NBPF12: variants seen among roughly 807,000 people sequenced by gnomAD.
NBPF12 encodes the protein NBPF member 12.
Under a neutral mutation model 146.4 loss-of-function variants are expected in NBPF12, and 115 were observed. The ratio of observed to expected loss-of-function variants is 0.79; its 90% CI spans 0.68 to 0.92. NBPF12 has a LOEUF of 0.92. NBPF12 is among the 40% of genes least tolerant of loss of function. The pLI, the probability that NBPF12 is intolerant of heterozygous loss-of-function variation, is 0.00. For missense variants in NBPF12, 1,205 were observed against 1,326.8 expected (o/e 0.91, Z 1.43); for synonymous variants, 385 against 508.9 (o/e 0.76, Z 3.28).
At chr1:146,994,368 A>C (rs1553890029) in exon 34 of NBPF12, 1 of 1,612,284 alleles carries the variant, frequency 6.2e-7, no homozygotes, top group Admixed American at 1.7e-5. Flanking sequence ...AAGAGCCTGA[A>C]GTCTTGCAGG....
At chr1:146,938,528 G>A (rs1383982197), upstream of NBPF12, among the ~76,000 whole-genome samples, 2 of 152,240 alleles carry the variant, frequency 1.3e-5, no homozygotes, top group South Asian at 2.1e-4. Flanking sequence ...TCCCGTCCCC[G>A]CTGCGCTCCG....
intron 13 of NBPF12, among the ~76,000 whole-genome samples, chr1:146,971,921 TAC>T (rs1449725020): frequency 1.1e-4 from 5 of 44,686 alleles, no homozygotes; most frequent in African/African-American, 5.5e-4. Context: ...TTACTAAAAA[TAC>T]AAAAAAAAAA....
intron 21 of NBPF12, among the ~76,000 whole-genome samples, chr1:146,984,478 T>C (rs1319914588): frequency 2.0e-5 from 3 of 150,534 alleles, no homozygotes; most frequent in Admixed American, 6.6e-5. Flanking sequence ...GGCCATGCTT[T>C]TCATGATCAC....
intron 4 of NBPF12, among the ~76,000 whole-genome samples, chr1:146,961,120 T>G (rs2101844463): frequency 6.6e-6 from 1 of 152,130 alleles, no homozygotes; most frequent in African/African-American, 2.4e-5. Flanking sequence ...CACTCCAGCA[T>G]GGGTGACAGG....
intron 6 of NBPF12, 67 bp from the exon 10 acceptor site, chr1:146,964,290 C>T (rs1339261159): frequency 1.7e-5 from 27 of 1,590,816 alleles, no homozygotes; most frequent in South Asian, 6.6e-5. Flanking sequence ...TCTCTGTGCA[C>T]GTTGGGCTGA....
exon 16 of NBPF12, chr1:146,975,872 T>G: frequency 6.2e-7 from 1 of 1,610,688 alleles, no homozygotes; most frequent in Non-Finnish European, 8.5e-7. Flanking sequence ...CACAACACCT[T>G]GTCCAAAAGC....
chr1:146,984,747 T>C lies in NBPF12; in HGVS notation c.2667-66T>C, dbSNP rs1657641397. 9.7e-6 allele frequency: 8 copies of C among 822,094 alleles called. No individual in the cohort carries two copies. The African/African-American group carries it at 1.0e-4, about 10-fold the overall frequency. 50.9% of individuals were successfully genotyped at this position (822,094 alleles called of 1,614,324 possible). On this transcript the variant is annotated intron_variant, in intron 21 of 33. Transcript: ENST00000617844. ...ACTCTTCCTTATGTTAGCCATGAAA[T>C]CTAGCTGGGGCTGTGTGGTTTCTGA...
exon 12 of NBPF12, chr1:146,970,717 C>T: frequency 3.7e-6 from 5 of 1,359,438 alleles, no homozygotes; most frequent in Non-Finnish European, 5.3e-6. Context: ...CATCTTCCCC[C>T]AGGTGACACT....
chr1:146,976,754 T>C (rs1378236077), intron 16 of NBPF12, among the ~76,000 whole-genome samples, 175 bp from the exon 20 acceptor site: 3 of 150,684 alleles, frequency 2.0e-5, no homozygotes, highest in Non-Finnish European at 2.9e-5. Context: ...CAGAAATGCA[T>C]TGCCTGATGG....
At chr1:146,946,869 C>T (rs1655100400), upstream of NBPF12, among the ~76,000 whole-genome samples, 1 of 151,774 alleles carries the variant, frequency 6.6e-6, no homozygotes. Flanking sequence ...ACATGCATAC[C>T]TGGATTTATT....
chr1:146,980,624 G>A (rs1264142326), intron 19 of NBPF12, among the ~76,000 whole-genome samples: 1 of 151,976 alleles, frequency 6.6e-6, no homozygotes, highest in Non-Finnish European at 1.5e-5. Flanking sequence ...TTTTCTTTAA[G>A]AATGTTGAAG....
intron 11 of NBPF12, among the ~76,000 whole-genome samples, chr1:146,970,197 AAC>A (rs1342020008): frequency 1.3e-5 from 2 of 150,760 alleles, no homozygotes; most frequent in East Asian, 3.9e-4. Context: ...GTCCCTGAAT[AAC>A]ACAGCAGAAG....
intron 13 of NBPF12, among the ~76,000 whole-genome samples, chr1:146,971,958 G>C (rs1189507891): frequency 6.7e-6 from 1 of 149,258 alleles, no homozygotes; most frequent in Non-Finnish European, 1.5e-5. Context: ...CGCGGTGTTG[G>C]GTGCCTGTAG....
At chr1:146,967,255 C>T (rs1459983083) in intron 9 of NBPF12, among the ~76,000 whole-genome samples, 1 of 150,720 alleles carries the variant, frequency 6.6e-6, no homozygotes, top group Admixed American at 6.6e-5. Flanking sequence ...GTAATCCCAG[C>T]CCTTTGGGAG....
At position 146,953,806 on chromosome 1, in the gene NBPF12, T is replaced by C. The variant is rs1374864730; in HGVS notation, c.-184+2317T>C. On this transcript the variant is annotated intron_variant, in intron 2 of 33. Transcript: ENST00000617844. Reference sequence around the variant, plus strand: ...AGAATACCTGTTGTTACTCTTTTAATTCAGCATTATACTAGAGCTCTAAGT... The same window carrying C: ...AGAATACCTGTTGTTACTCTTTTAACTCAGCATTATACTAGAGCTCTAAGT... Among the ~76,000 whole-genome samples, 9 of 150,462 alleles carry C rather than the reference T, an allele frequency of 6.0e-5. No homozygotes were observed. The South Asian group carries it at 1.5e-3, about 25-fold the overall frequency.
intron 19 of NBPF12, among the ~76,000 whole-genome samples, chr1:146,981,494 CT>C (rs1657390159): frequency 6.6e-6 from 1 of 151,160 alleles, no homozygotes; most frequent in African/African-American, 2.4e-5. Context: ...GCATTTTTTC[CT>C]TCATTTCAAC....
upstream of NBPF12, among the ~76,000 whole-genome samples, chr1:146,938,551 C>T (rs1348010492): frequency 1.3e-5 from 2 of 152,104 alleles, no homozygotes; most frequent in Non-Finnish European, 2.9e-5. Context: ...CTCCATTACT[C>T]GTTTTCTCCG....
rs1348720005 is a variant in NBPF12 at position 146,970,019 on chromosome 1, C to A, written c.1306+423C>A. 7.5e-4 allele frequency among the ~76,000 whole-genome samples: 113 copies of A among 149,688 alleles called. 6 individuals carry two copies. The highest frequency in any genetic ancestry group is 2.8e-3 in the African/African-American group (111 of 40,060). On this transcript the variant is annotated intron_variant, in intron 11 of 33. Coordinates refer to ENST00000617844, the Ensembl canonical transcript of NBPF12. ...CTCTCTCTCCATCTGCAAAGGCAGA[C>A]AAATTGTCTCTTTCAAGGGTCTGAA...
intron 10 of NBPF12, among the ~76,000 whole-genome samples, 152 bp downstream of exon 13, chr1:146,968,702 GAGA>G (rs1236362596): frequency 1.3e-5 from 2 of 151,440 alleles, no homozygotes; most frequent in Non-Finnish European, 2.9e-5. Flanking sequence ...TTATCAAACA[GAGA>G]AGAAGGATAA....
Sources: allele counts gnomAD v4.1 joint callset (sites outside exome capture counted in the v4.1 genomes callset), GRCh38; gene constraint gnomAD v4.1.1; transcripts MANE v1.5; gene names NCBI Gene and HGNC (gene_info 2026-07-23, HGNC 2026-07-21).